The following ADARB2 variants were observed in gnomAD, a reference collection of about 807,000 sequenced individuals.
ADARB2 encodes inactive double-stranded RNA-specific editase B2.
ADARB2 carries 25 observed loss-of-function variants against 62.2 expected under a neutral mutation model. That is an observed-to-expected ratio of 0.40 (90% confidence interval 0.29 to 0.56). The LOEUF (loss-of-function observed/expected upper bound fraction) is 0.56, where lower values mean the gene tolerates loss of function less well. ADARB2 is among the 20% of genes least tolerant of loss of function. The probability of loss-of-function intolerance (pLI) is 0.43; values close to 1 mark genes in which losing one functional copy is unlikely to be tolerated. For missense variants in ADARB2, 1,071 were observed against 1,077.4 expected (o/e 0.99, Z 0.08); for synonymous variants, 572 against 500.8 (o/e 1.14, Z -1.90).
At chr10:1,317,187 T>C (rs912751465) in intron 3 of ADARB2, among the ~76,000 whole-genome samples, 2 of 152,236 alleles carry the variant, frequency 1.3e-5, no homozygotes, top group African/African-American at 4.8e-5. Context: ...GTTCCCTCAC[T>C]TGTGCTTAAA....
At chr10:1,203,775 C>T (rs974959382) in intron 7 of ADARB2, among the ~76,000 whole-genome samples, 4 of 152,262 alleles carry the variant, frequency 2.6e-5, no homozygotes, top group Non-Finnish European at 4.4e-5. Context: ...GTCAGTGGGG[C>T]CTCCCTTGAC....
chr10:1,587,797 G>A (rs72764992), intron 1 of ADARB2, among the ~76,000 whole-genome samples: 35,987 of 152,006 alleles, frequency 0.24, 4,699 homozygotes, highest in Non-Finnish European at 0.3. Flanking sequence ...AATCATGGGG[G>A]CGGTTCCCCC....
chr10:1,510,033 CTTTCT>C (rs1230132686), intron 1 of ADARB2, among the ~76,000 whole-genome samples: 1 of 151,038 alleles, frequency 6.6e-6, no homozygotes, highest in African/African-American at 2.4e-5. Context: ...TTTTCTCTTT[CTTTCT>C]TTTCTCTCTC....
intron 1 of ADARB2, among the ~76,000 whole-genome samples, chr10:1,716,863 A>G (rs1835022250): frequency 6.6e-6 from 1 of 152,334 alleles, no homozygotes; most frequent in Non-Finnish European, 1.5e-5. Context: ...AAAAAAGTCT[A>G]CAAAATAACC....
intron 1 of ADARB2, among the ~76,000 whole-genome samples, chr10:1,664,032 T>G (rs759916036): frequency 3.9e-5 from 6 of 152,246 alleles, no homozygotes; most frequent in Non-Finnish European, 8.8e-5. Flanking sequence ...TGATGAATAG[T>G]GTGGCTGTAA....
intron 4 of ADARB2, among the ~76,000 whole-genome samples, chr10:1,254,883 G>C (rs1831066958): frequency 6.6e-6 from 1 of 152,234 alleles, no homozygotes; most frequent in South Asian, 2.1e-4. Flanking sequence ...CCCATTTGCT[G>C]TACCTGAGCT....
intron 1 of ADARB2, among the ~76,000 whole-genome samples, chr10:1,483,517 T>G (rs1227476445): frequency 6.6e-6 from 1 of 151,852 alleles, no homozygotes; most frequent in Non-Finnish European, 1.5e-5. Context: ...CGAATACTTT[T>G]CAAGAGCATT....
chr10:1,383,471 G>A (rs1832501245), intron 1 of ADARB2, among the ~76,000 whole-genome samples: 1 of 151,686 alleles, frequency 6.6e-6, no homozygotes, highest in South Asian at 2.1e-4. Flanking sequence ...TTCCCTGAAA[G>A]GCACATGTGG....
chr10:1,608,010 G>C (rs1833515514), intron 1 of ADARB2, among the ~76,000 whole-genome samples: 1 of 152,214 alleles, frequency 6.6e-6, no homozygotes, highest in African/African-American at 2.4e-5. Context: ...TGTCCCATGG[G>C]GGGCCAAGAC....
rs74120615 is a variant in ADARB2 at position 1,442,335 on chromosome 10, A to G, written c.101-63175T>C. Among the ~76,000 whole-genome samples the G allele has an allele frequency of 4.9e-3, 744 of 152,308 alleles. 7 individuals carry two copies. The highest frequency in any genetic ancestry group is 0.018 in the African/African-American group (730 of 41,570). On this transcript the variant is annotated intron_variant, in intron 1 of 9. Coordinates refer to ENST00000381312, the MANE Select transcript of ADARB2 (RefSeq NM_018702.4). ...CTTGTCTGTGTCCCCACCACTAAGC[A>G]TCACCCTGTGGAATTCATGTCTTCA... is the stretch of plus-strand genomic sequence containing the variant.
chr10:1,515,973 C>T (rs1456175105), intron 1 of ADARB2, among the ~76,000 whole-genome samples: 12 of 152,204 alleles, frequency 7.9e-5, no homozygotes, highest in Admixed American at 7.9e-4. Context: ...AGATGTCTTC[C>T]ACGGCTGGGC....
chr10:1,532,829 G>A lies in ADARB2; in HGVS notation c.101-153669C>T, dbSNP rs190547249. ...AGCCTGAATGTGCAGGTGCCCGCAG[G>A]CGAGGTGGAGAATGGGCGCTTCTCC... On this transcript the variant is annotated intron_variant, in intron 1 of 9. Coordinates refer to ENST00000381312, the MANE Select transcript of ADARB2 (RefSeq NM_018702.4). Among the ~76,000 whole-genome samples, 11 of 152,316 alleles carry A rather than the reference G, an allele frequency of 7.2e-5. No individual in the cohort carries two copies. The East Asian group carries it at 2.1e-3, about 29-fold the overall frequency.
chr10:1,487,043 T>A (rs996579677), intron 1 of ADARB2, among the ~76,000 whole-genome samples: 1 of 152,238 alleles, frequency 6.6e-6, no homozygotes, highest in African/African-American at 2.4e-5. Flanking sequence ...CTCTAGAAAG[T>A]CGTGGAGCCC....
At position 1,488,667 on chromosome 10, in the gene ADARB2, G is replaced by T. The variant is rs142162730; in HGVS notation, c.101-109507C>A. Among the ~76,000 whole-genome samples, 392 of 152,250 alleles carry T rather than the reference G, an allele frequency of 2.6e-3. 1 individual carries two copies. Among genetic ancestry groups the T allele is most frequent in the African/African-American group, 8.8e-3 (365 of 41,550 alleles). ...GAAAGGGAGGACTTTTCTTTTTGGC[G>T]AATGCACGTCCGCTCCTCACACTGG... On this transcript the variant is annotated intron_variant, in intron 1 of 9. Transcript: ENST00000381312.
chr10:1,676,352 C>T (rs1834466516), intron 1 of ADARB2, among the ~76,000 whole-genome samples: 1 of 152,114 alleles, frequency 6.6e-6, no homozygotes, highest in African/African-American at 2.4e-5. Context: ...TTAGATAGTC[C>T]TGGCTTGTGA....
At chr10:1,189,584 T>C (rs1836809783) in intron 8 of ADARB2, among the ~76,000 whole-genome samples, 1 of 152,044 alleles carries the variant, frequency 6.6e-6, no homozygotes. Context: ...GAAGTGGGCA[T>C]CGGCTGATTG....
chr10:1,417,248 G>A (rs1186508480), intron 1 of ADARB2, among the ~76,000 whole-genome samples: 1 of 152,000 alleles, frequency 6.6e-6, no homozygotes, highest in Non-Finnish European at 1.5e-5. Flanking sequence ...AGACAGTCAA[G>A]AAGTATAGAC....
At chr10:1,349,168 T>C (rs1334630074) in intron 3 of ADARB2, among the ~76,000 whole-genome samples, 1 of 152,160 alleles carries the variant, frequency 6.6e-6, no homozygotes, top group Non-Finnish European at 1.5e-5. Context: ...GACATTACCT[T>C]ATGAACGTCC....
intron 1 of ADARB2, among the ~76,000 whole-genome samples, chr10:1,592,382 CCT>C (rs1833270546): frequency 1.1e-5 from 1 of 93,928 alleles, no homozygotes; most frequent in African/African-American, 3.7e-5. Context: ...CACCCAGCTC[CCT>C]TCGCCCAAGC....
Sources: allele counts gnomAD v4.1 joint callset (sites outside exome capture counted in the v4.1 genomes callset), GRCh38; gene constraint gnomAD v4.1.1; transcripts MANE v1.5; gene names NCBI Gene and HGNC (gene_info 2026-07-23, HGNC 2026-07-21).